Variants in NLGN1 observed in about 807,000 individuals in gnomAD.
NLGN1 encodes neuroligin 1.
In NLGN1, 12 loss-of-function variants were observed where a neutral mutation model predicts 65.5. The ratio of observed to expected loss-of-function variants is 0.18; its 90% CI spans 0.12 to 0.30. The LOEUF (loss-of-function observed/expected upper bound fraction) is 0.30. Among genes scored for constraint, NLGN1 ranks in the 10% least tolerant of loss-of-function variants. The probability of loss-of-function intolerance (pLI) is 1.00; values close to 1 mark genes in which losing one functional copy is unlikely to be tolerated. For synonymous variants in NLGN1, 350 were observed against 359.5 expected (o/e 0.97, Z 0.30); for missense variants, 750 against 1,007.1 (o/e 0.74, Z 3.46).
intron 4 of NLGN1, among the ~76,000 whole-genome samples, chr3:174,201,358 GGAAGGAAGGAAGGAAGGAAA>G (rs1436585216): frequency 7.0e-5 from 9 of 128,224 alleles, no homozygotes; most frequent in African/African-American, 2.8e-4. Flanking sequence ...AAGGAAGGAA[GGAAGGAAGGAAGGAAGGAAA>G]GAAGGAAGGA....
rs530222095 is a variant in NLGN1, at chr3:173,411,767, T to C, written c.-390+13280T>C. On this transcript the variant is annotated intron_variant, in intron 1 of 6. Coordinates refer to ENST00000457714, the Ensembl canonical transcript of NLGN1. ...ATTGTGTGCCAAGAGACATTTCCAGTTATGAGGGCTTCTACCTACTTTTTC... is the reference window on the plus strand; with the variant it reads ...ATTGTGTGCCAAGAGACATTTCCAGCTATGAGGGCTTCTACCTACTTTTTC... Among the ~76,000 whole-genome samples the C allele has an allele frequency of 2.6e-5, 4 of 152,240 alleles. No individual in the cohort carries two copies. In the East Asian group the frequency reaches 7.7e-4, roughly 29 times the overall value.
intron 4 of NLGN1, among the ~76,000 whole-genome samples, chr3:173,864,590 A>C (rs1729758253): frequency 1.3e-5 from 2 of 152,160 alleles, no homozygotes; most frequent in Non-Finnish European, 2.9e-5. Flanking sequence ...AAACATTCTT[A>C]ATTTTGCTAT....
chr3:174,235,739 A>G (rs1741585391), intron 4 of NLGN1, among the ~76,000 whole-genome samples: 1 of 152,184 alleles, frequency 6.6e-6, no homozygotes, highest in South Asian at 2.1e-4. Context: ...TTATAGATTT[A>G]GTAAAATCAT....
chr3:174,174,988 T>G (rs894546666), intron 4 of NLGN1, among the ~76,000 whole-genome samples: 21 of 152,054 alleles, frequency 1.4e-4, no homozygotes, highest in African/African-American at 4.8e-4. Flanking sequence ...ATTTCTAGTT[T>G]TATTTCATTG....
At chr3:173,734,413 T>TTTTTTTTTTTTTA (rs1491511719) in intron 3 of NLGN1, among the ~76,000 whole-genome samples, 1 of 78,266 alleles carries the variant, frequency 1.3e-5, no homozygotes, top group Non-Finnish European at 2.5e-5. Context: ...TTTTTTTTTT[T>TTTTTTTTTTTTTA]AGAAACAGGG....
rs538319595 is a variant in NLGN1, at chr3:173,438,198, C to T, written c.-321+3120C>T. Among the ~76,000 whole-genome samples the T allele has an allele frequency of 1.3e-3, 194 of 152,086 alleles. No individual in the cohort carries two copies. The Middle Eastern group carries it at 0.014, about 11-fold the overall frequency. Reference sequence around the variant, plus strand: ...TCACTTTAATGGTGGTTTTTTCCCCCTTTGGACTGTATTTCCAAATCAAAA... The same window carrying T: ...TCACTTTAATGGTGGTTTTTTCCCCTTTTGGACTGTATTTCCAAATCAAAA... On this transcript the variant is annotated intron_variant, in intron 2 of 6. Coordinates refer to ENST00000457714, the Ensembl canonical transcript of NLGN1.
intron 2 of NLGN1, among the ~76,000 whole-genome samples, chr3:173,563,739 A>G (rs1577293805): frequency 6.6e-6 from 1 of 152,240 alleles, no homozygotes; most frequent in East Asian, 1.9e-4. Flanking sequence ...CTTTAAATAC[A>G]TAAGAATTCC....
At chr3:173,519,528 T>C (rs1734412322) in intron 2 of NLGN1, among the ~76,000 whole-genome samples, 2 of 152,258 alleles carry the variant, frequency 1.3e-5, no homozygotes, top group South Asian at 4.1e-4. Flanking sequence ...AAGTGTGCCC[T>C]GGATGTGGGA....
chr3:173,700,942 G>T (rs543704905), intron 3 of NLGN1, among the ~76,000 whole-genome samples: 1 of 152,036 alleles, frequency 6.6e-6, no homozygotes, highest in African/African-American at 2.4e-5. Flanking sequence ...TGGCTAACAC[G>T]GTGAAACCCT....
intron 3 of NLGN1, among the ~76,000 whole-genome samples, chr3:173,789,450 A>G (rs570361847): frequency 2.2e-4 from 34 of 152,304 alleles, no homozygotes; most frequent in Non-Finnish European, 4.6e-4. Context: ...TTTCACAAAC[A>G]CCATCATATT....
chr3:173,546,757 C>T (rs1349784878), intron 2 of NLGN1, among the ~76,000 whole-genome samples: 2 of 152,136 alleles, frequency 1.3e-5, no homozygotes, highest in Admixed American at 1.3e-4. Context: ...AAGAATCATT[C>T]CTTTACACAG....
intron 4 of NLGN1, among the ~76,000 whole-genome samples, chr3:173,944,076 T>C (rs1437363231): frequency 3.9e-5 from 6 of 152,034 alleles, no homozygotes; most frequent in African/African-American, 1.2e-4. Flanking sequence ...AAACGTTTTA[T>C]AATCTTTTTG....
chr3:173,553,557 GT>G (rs768104021), intron 2 of NLGN1, among the ~76,000 whole-genome samples: 1 of 152,186 alleles, frequency 6.6e-6, no homozygotes, highest in Non-Finnish European at 1.5e-5. Context: ...AGCCTCATAA[GT>G]AAGAGGTTTG....
intron 4 of NLGN1, among the ~76,000 whole-genome samples, chr3:173,894,633 CTTTT>C (rs3979634): frequency 3.7e-5 from 5 of 134,174 alleles, no homozygotes; most frequent in African/African-American, 5.5e-5. Flanking sequence ...TTTTCTTTTT[CTTTT>C]TTTTTTTTTT....
At chr3:173,865,542 A>G (rs952542115) in intron 4 of NLGN1, among the ~76,000 whole-genome samples, 2 of 152,246 alleles carry the variant, frequency 1.3e-5, no homozygotes, top group East Asian at 1.9e-4. Context: ...TATATTCACA[A>G]TCTTACGGAT....
rs7632197 is a variant in NLGN1, at chr3:173,416,781, A to T, written c.-389-18229A>T. 9.8e-3 allele frequency among the ~76,000 whole-genome samples: 1,497 copies of T among 152,276 alleles called. 25 individuals carry two copies. Among genetic ancestry groups the T allele is most frequent in the African/African-American group, 0.034 (1,394 of 41,564 alleles). ...ATTTGATATGATTAAATGGATACTG[A>T]TATGGCCCAAGCACAAAGATTTCAT... is the stretch of plus-strand genomic sequence containing the variant. On this transcript the variant is annotated intron_variant, in intron 1 of 6. Coordinates refer to ENST00000457714, the Ensembl canonical transcript of NLGN1.
chr3:174,062,985 CA>C (rs1420879437), intron 4 of NLGN1, among the ~76,000 whole-genome samples: 1 of 152,084 alleles, frequency 6.6e-6, no homozygotes, highest in Non-Finnish European at 1.5e-5. Context: ...ATCCATCAAA[CA>C]GTTCCTTAGA....
chr3:173,514,918 C>A (rs761351707), intron 2 of NLGN1, among the ~76,000 whole-genome samples: 1 of 152,108 alleles, frequency 6.6e-6, no homozygotes, highest in African/African-American at 2.4e-5. Flanking sequence ...TGTTGATAGA[C>A]ATCTAGATTG....
At chr3:174,156,706 C>A (rs1417413517) in intron 4 of NLGN1, among the ~76,000 whole-genome samples, 1 of 151,616 alleles carries the variant, frequency 6.6e-6, no homozygotes, top group African/African-American at 2.4e-5. Context: ...GTGTGCAAAT[C>A]TGAAAAAGTA....
Sources: gnomAD v4.1 joint callset for allele counts (sites outside exome capture counted in the v4.1 genomes callset) on GRCh38, gnomAD v4.1.1 for gene constraint, MANE v1.5 for transcripts, NCBI Gene and HGNC (gene_info 2026-07-23, HGNC 2026-07-21) for gene names.